The following MARCHF8 variants were observed in gnomAD, a reference collection of about 807,000 sequenced individuals.
The protein encoded by MARCHF8 is membrane associated ring-CH-type finger 8.
MARCHF8 carries 40 observed loss-of-function variants against 51.6 expected under a neutral mutation model. That is an observed-to-expected ratio of 0.77 (90% confidence interval 0.60 to 1.01). The LOEUF (loss-of-function observed/expected upper bound fraction) is 1.01, where lower values mean the gene tolerates loss of function less well. Among genes scored for constraint, MARCHF8 ranks in the 50% least tolerant of loss-of-function variants. The probability of loss-of-function intolerance (pLI) is 0.00; values close to 1 mark genes in which losing one functional copy is unlikely to be tolerated. For missense variants in MARCHF8, 685 were observed against 708.6 expected, an observed-to-expected ratio of 0.97 and a Z score of 0.38; for synonymous variants, 263 against 280.3, an observed-to-expected ratio of 0.94 and a Z score of 0.62.
chr10:45,527,926 A>T (rs1442442148), intron 2 of MARCHF8, among the ~76,000 whole-genome samples: 1 of 152,220 alleles, frequency 6.6e-6, no homozygotes, highest in African/African-American at 2.4e-5. Context: ...GTTATATTCC[A>T]GGGATACAAG....
intron 2 of MARCHF8, among the ~76,000 whole-genome samples, 189 bp downstream of exon 2, chr10:45,532,918 CAGT>C (rs1400232602): frequency 6.6e-6 from 1 of 152,128 alleles, no homozygotes; most frequent in African/African-American, 2.4e-5. Flanking sequence ...CATTTATAAA[CAGT>C]AGTTTACACC....
rs74794115 is a variant in MARCHF8 at position 45,503,536 on chromosome 10, CAAATAAATAAAT to C, written c.103-14131_103-14120del. On this transcript the variant is annotated intron_variant, in intron 2 of 7. Transcript: ENST00000453424. Reference sequence around the variant, plus strand: ...CTGGCGACAGAACGAGACTCCGTCTCAAATAAATAAATAAATAAATAAATAAATAAATAAAAT... The same window carrying C: ...CTGGCGACAGAACGAGACTCCGTCTCAAATAAATAAATAAATAAATAAAAT... Among the ~76,000 whole-genome samples the C allele has an allele frequency of 1.9e-4, 28 of 144,954 alleles. No individual in the cohort carries two copies. In the South Asian group the frequency reaches 2.0e-3, roughly 10 times the overall value.
At chr10:45,493,183 T>C (rs1289072936) in intron 2 of MARCHF8, among the ~76,000 whole-genome samples, 1 of 152,248 alleles carries the variant, frequency 6.6e-6, no homozygotes, top group Non-Finnish European at 1.5e-5. Flanking sequence ...GTAGTCAGAA[T>C]GGCATCTTGG....
chr10:45,528,696 G>T (rs2043830805), intron 2 of MARCHF8, among the ~76,000 whole-genome samples: 1 of 152,074 alleles, frequency 6.6e-6, no homozygotes, highest in Non-Finnish European at 1.5e-5. Context: ...ATCAAGCTGA[G>T]AACCAAATCA....
intron 1 of MARCHF8, among the ~76,000 whole-genome samples, chr10:45,541,227 A>T (rs543738566): frequency 1.1e-3 from 163 of 152,340 alleles, no homozygotes; most frequent in Non-Finnish European, 2.1e-3. Context: ...ACACCATGGA[A>T]TACTATGCAG....
At chr10:45,467,628 C>A (rs1176675359) in intron 3 of MARCHF8, among the ~76,000 whole-genome samples, 1 of 152,148 alleles carries the variant, frequency 6.6e-6, no homozygotes, top group Non-Finnish European at 1.5e-5. Flanking sequence ...CCAGTGTAAT[C>A]AAAGGCCAGC....
chr10:45,525,566 T>C (rs181616350), intron 2 of MARCHF8, among the ~76,000 whole-genome samples: 1 of 152,346 alleles, frequency 6.6e-6, no homozygotes, highest in East Asian at 1.9e-4. Context: ...CTCCCCATTC[T>C]TTAAAGTGGG....
At chr10:45,494,494 T>C (rs996816220) in intron 2 of MARCHF8, among the ~76,000 whole-genome samples, 111 of 152,204 alleles carry the variant, frequency 7.3e-4, no homozygotes, top group African/African-American at 2.4e-3. Context: ...TCAATACCTA[T>C]CTCCCTTTGT....
At chr10:45,555,046 T>A (rs776113859) in intron 1 of MARCHF8, among the ~76,000 whole-genome samples, 1 of 149,188 alleles carries the variant, frequency 6.7e-6, no homozygotes, top group South Asian at 2.1e-4. Context: ...AGAGTGAGAC[T>A]CTGTCTCCAA....
In MARCHF8 at chr10:45,458,452, C is replaced by T. The variant is rs759843839; in HGVS notation, c.1509G>A (p.Val503=). ...TGAGTCTCTTCCACAATTGCACATA[C>T]ACTTTACACTGAACATACATAAAAA... The part of the protein sequence containing the change: ...GLLFMYVQCK[V]YVQLWKRLKA... The change falls in exon 8 of 8, where the codon GTG becomes GTA. Residue 503 remains valine (V), a synonymous_variant. Transcript: ENST00000453424. The T allele has an allele frequency of 6.2e-7, 1 of 1,614,158 alleles. No homozygotes were observed. Among genetic ancestry groups the T allele is most frequent in the Non-Finnish European group, 8.5e-7 (1 of 1,180,034 alleles).
chr10:45,584,167 A>C (rs1481505120), intron 1 of MARCHF8, among the ~76,000 whole-genome samples: 7 of 105,934 alleles, frequency 6.6e-5, no homozygotes, highest in Non-Finnish European at 1.0e-4. Flanking sequence ...ATATATATAT[A>C]TCAAGAAATT....
At chr10:45,508,372 T>A (rs1009325231) in intron 2 of MARCHF8, among the ~76,000 whole-genome samples, 5 of 151,794 alleles carry the variant, frequency 3.3e-5, no homozygotes, top group Non-Finnish European at 7.4e-5. Context: ...AACAATTGTG[T>A]TTGTTACTAT....
intron 2 of MARCHF8, among the ~76,000 whole-genome samples, chr10:45,512,132 G>A (rs981258989): frequency 1.1e-4 from 14 of 130,742 alleles, no homozygotes; most frequent in African/African-American, 3.8e-4. Flanking sequence ...GCCCAGCCGC[G>A]ACCCCGTCTG....
chr10:45,577,241 T>C (rs1398945740), intron 1 of MARCHF8, among the ~76,000 whole-genome samples: 2 of 150,454 alleles, frequency 1.3e-5, no homozygotes, highest in African/African-American at 4.9e-5. Context: ...TGGGGGGCTG[T>C]GGGGAAGGTG....
At chr10:45,483,342 T>G (rs2042922525) in intron 3 of MARCHF8, among the ~76,000 whole-genome samples, 1 of 152,076 alleles carries the variant, frequency 6.6e-6, no homozygotes, top group African/African-American at 2.4e-5. Context: ...ACTAGACATT[T>G]CTCAAAAAAA....
intron 3 of MARCHF8, among the ~76,000 whole-genome samples, chr10:45,485,344 A>G (rs1432977959): frequency 1.3e-5 from 2 of 152,234 alleles, no homozygotes; most frequent in African/African-American, 4.8e-5. Context: ...TGGAGGTGAC[A>G]AATTTCATGA....
chr10:45,458,519 G>T lies in MARCHF8; in HGVS notation c.1442C>A (p.Thr481Asn). 2 of 1,598,600 alleles carry T rather than the reference G, an allele frequency of 1.3e-6. No individual in the cohort carries two copies. The highest frequency in any genetic ancestry group is 1.7e-6 in the Non-Finnish European group (2 of 1,173,126). Residue 481 changes from threonine (T) to asparagine (N), a missense_variant, in exon 8 of 8, where the codon ACT becomes AAT. Transcript: ENST00000453424. Reference sequence around the variant, plus strand: ...GCCGATGGCCACAACCACCAATTTAGTCCAAAAGGGCCATTCTAGGATTCC... The same window carrying T: ...GCCGATGGCCACAACCACCAATTTATTCCAAAAGGGCCATTCTAGGATTCC... ...ATGILEWPFWTKLVVVAIGFT... is the reference protein window; with the variant it reads ...ATGILEWPFWNKLVVVAIGFT...
upstream of MARCHF8, among the ~76,000 whole-genome samples, chr10:45,536,882 A>AT (rs1564508044): frequency 1.2e-3 from 184 of 148,210 alleles, no homozygotes; most frequent in Middle Eastern, 7.1e-3. Flanking sequence ...AATAATAATA[A>AT]AGACAAATAA....
chr10:45,501,276 G>T (rs1346603835), intron 2 of MARCHF8, among the ~76,000 whole-genome samples: 1 of 151,928 alleles, frequency 6.6e-6, no homozygotes, highest in East Asian at 1.9e-4. Context: ...CCAATTTCAA[G>T]AACTAATATA....
Sources: gnomAD v4.1 joint callset for allele counts (sites outside exome capture counted in the v4.1 genomes callset) on GRCh38, gnomAD v4.1.1 for gene constraint, MANE v1.5 for transcripts, NCBI Gene and HGNC (gene_info 2026-07-23, HGNC 2026-07-21) for gene names.